CRACD: variants seen among roughly 807,000 people sequenced by gnomAD.
The protein encoded by CRACD is capping protein inhibiting regulator of actin dynamics.
Under a neutral mutation model 106.8 loss-of-function variants are expected in CRACD, and 56 were observed. The observed-to-expected ratio is 0.52, with a 90% CI of 0.42 to 0.66. CRACD has a LOEUF of 0.66. Among genes scored for constraint, CRACD ranks in the 30% least tolerant of loss-of-function variants. The pLI is 0.00. For synonymous variants in CRACD, 754 were observed against 670.8 expected, an observed-to-expected ratio of 1.12 and a Z score of -1.92; for missense variants, 1,730 against 1,623.2, an observed-to-expected ratio of 1.07 and a Z score of -1.13.
At chr4:56,170,586 A>G (rs971189477) in intron 1 of CRACD, among the ~76,000 whole-genome samples, 1 of 152,160 alleles carries the variant, frequency 6.6e-6, no homozygotes, top group Middle Eastern at 3.2e-3. Flanking sequence ...TGCACCTGTA[A>G]TCTCAGCACT....
intron 2 of CRACD, among the ~76,000 whole-genome samples, chr4:56,193,764 C>G (rs1737481842): frequency 6.6e-6 from 1 of 152,020 alleles, no homozygotes; most frequent in South Asian, 2.1e-4. Context: ...TCAAAGAATG[C>G]TTATAGGCTA....
At chr4:56,186,845 TG>T (rs1737114236) in intron 2 of CRACD, among the ~76,000 whole-genome samples, 1 of 152,172 alleles carries the variant, frequency 6.6e-6, no homozygotes, top group South Asian at 2.1e-4. Flanking sequence ...GAAGACTGCA[TG>T]AGCCCAGGAG....
intron 2 of CRACD, among the ~76,000 whole-genome samples, chr4:56,182,380 G>A (rs1033050432): frequency 3.3e-5 from 5 of 149,802 alleles, no homozygotes; most frequent in African/African-American, 1.2e-4. Flanking sequence ...TCTCAAAAAC[G>A]AGCAAACAAA....
At chr4:56,193,195 C>T (rs191095640) in intron 2 of CRACD, among the ~76,000 whole-genome samples, 9 of 152,274 alleles carry the variant, frequency 5.9e-5, no homozygotes, top group Admixed American at 2.0e-4. Flanking sequence ...CATCAGATCT[C>T]GTGAGACTTA....
intron 2 of CRACD, among the ~76,000 whole-genome samples, chr4:56,261,508 G>A (rs1340111868): frequency 2.0e-5 from 3 of 151,746 alleles, no homozygotes; most frequent in African/African-American, 7.3e-5. Context: ...CCACCACCAC[G>A]CCCAGCTAAT....
Position 56,255,133 on chromosome 4 carries a change from A to T in CRACD, c.-188-17188A>T, listed in dbSNP as rs11726523. The stretch of plus-strand genomic sequence containing the variant: ...CATCTCAAAAAAAAAAAAAAAAAAA[A>T]ACTAAAAATTGGCCAATGAAATCAT... On this transcript the variant is annotated intron_variant, in intron 2 of 10. Coordinates refer to ENST00000682029, the MANE Select transcript of CRACD (RefSeq NM_001393381.1). Among the ~76,000 whole-genome samples the T allele has an allele frequency of 5.6e-4, 78 of 138,820 alleles. 2 individuals are homozygous for T. The highest frequency in any genetic ancestry group is 1.0e-3 in the Admixed American group (13 of 12,952). The allele number at this position is 138,820 out of a possible 152,430, so 91.1% of individuals were successfully genotyped here. A position where few individuals can be genotyped will look rare whatever the true frequency, so the allele number is the denominator to read the frequency against.
chr4:56,102,307 A>T (rs1032941060), intron 1 of CRACD, among the ~76,000 whole-genome samples: 1 of 152,166 alleles, frequency 6.6e-6, no homozygotes, highest in Non-Finnish European at 1.5e-5. Context: ...ATTTCTTTTC[A>T]TGTTTATTAA....
intron 1 of CRACD, among the ~76,000 whole-genome samples, chr4:56,111,217 CT>C (rs2109842602): frequency 6.6e-6 from 1 of 151,996 alleles, no homozygotes; most frequent in East Asian, 1.9e-4. Context: ...GTGGGGGTAG[CT>C]TCCATAGTAA....
At chr4:56,185,113 C>T (rs755651340) in intron 2 of CRACD, among the ~76,000 whole-genome samples, 6 of 152,140 alleles carry the variant, frequency 3.9e-5, no homozygotes, top group South Asian at 2.1e-4. Flanking sequence ...CCCACCACCA[C>T]GCCCGGCTAA....
At position 56,283,989 on chromosome 4, in the gene CRACD, C is replaced by T. The variant is rs367930414; in HGVS notation, c.-17+11497C>T. ...CTGAACAGCCTCCTGACTTGCCACC[C>T]GTTGGCTTCTTGGAGCTTTCTGCAG... On this transcript the variant is annotated intron_variant, in intron 3 of 10. Coordinates refer to ENST00000682029, the MANE Select transcript of CRACD (RefSeq NM_001393381.1). 3.5e-4 allele frequency among the ~76,000 whole-genome samples: 54 copies of T among 152,210 alleles called. No homozygotes were observed. The East Asian group carries it at 7.4e-3, about 21-fold the overall frequency.
chr4:56,092,691 T>G (rs1181141525), intron 1 of CRACD, among the ~76,000 whole-genome samples: 4 of 152,124 alleles, frequency 2.6e-5, no homozygotes, highest in African/African-American at 9.7e-5. Context: ...AGCCTTAAAC[T>G]CTTGGGCTCA....
At chr4:56,274,650 T>C (rs1459928062) in intron 3 of CRACD, among the ~76,000 whole-genome samples, 1 of 150,916 alleles carries the variant, frequency 6.6e-6, no homozygotes, top group African/African-American at 2.5e-5. Flanking sequence ...AAACCTGCAT[T>C]TATGAGACGT....
At chr4:56,278,399 C>G (rs972384859) in intron 3 of CRACD, among the ~76,000 whole-genome samples, 4 of 152,256 alleles carry the variant, frequency 2.6e-5, no homozygotes, top group African/African-American at 9.6e-5. Flanking sequence ...TAAGACAATT[C>G]AATGGGCAAA....
At chr4:56,307,448 T>C (rs1744804452) in intron 4 of CRACD, 87 bp from the exon 5 acceptor site, 2 of 1,344,398 alleles carry the variant, frequency 1.5e-6, no homozygotes, top group Non-Finnish European at 2.1e-6. Context: ...TATGCCTCAG[T>C]GCTCACTAGA....
intron 1 of CRACD, among the ~76,000 whole-genome samples, chr4:56,113,531 GA>G (rs1392575810): frequency 6.8e-6 from 1 of 147,864 alleles, no homozygotes; most frequent in Non-Finnish European, 1.5e-5. Context: ...TGTTCCACTT[GA>G]AAAATGATAT....
At position 56,237,537 on chromosome 4, in the gene CRACD, C is replaced by T. The variant is rs368707502; in HGVS notation, c.-188-34784C>T. On this transcript the variant is annotated intron_variant, in intron 2 of 10. Coordinates refer to ENST00000682029, the MANE Select transcript of CRACD (RefSeq NM_001393381.1). ...AGCTTCATGCTATCACTTTTTTTGA[C>T]TACCTATTATTGATTATGTGCATAT... Among the ~76,000 whole-genome samples the T allele has an allele frequency of 1.1e-4, 16 of 152,160 alleles. No homozygotes were observed. The East Asian group carries it at 2.9e-3, about 28-fold the overall frequency.
chr4:56,324,012 C>A, intron 9 of CRACD, 92 bp from the exon 10 acceptor site: 2 of 1,391,882 alleles, frequency 1.4e-6, no homozygotes, highest in South Asian at 1.4e-5. Context: ...AGGTCAGGGG[C>A]TGGCAGGCAG....
intron 2 of CRACD, among the ~76,000 whole-genome samples, chr4:56,195,739 G>C (rs899457866): frequency 1.3e-5 from 2 of 152,076 alleles, no homozygotes; most frequent in Non-Finnish European, 2.9e-5. Context: ...AAACTTCTGC[G>C]TTATTGGGAA....
At chr4:56,236,193 C>T (rs1470646947) in intron 2 of CRACD, among the ~76,000 whole-genome samples, 1 of 152,084 alleles carries the variant, frequency 6.6e-6, no homozygotes, top group South Asian at 2.1e-4. Context: ...GAGAGAAAAA[C>T]ATGCTCAAGG....
Sources: allele counts gnomAD v4.1 joint callset (sites outside exome capture counted in the v4.1 genomes callset), GRCh38; gene constraint gnomAD v4.1.1; transcripts MANE v1.5; gene names NCBI Gene and HGNC (gene_info 2026-07-23, HGNC 2026-07-21).